DHX29: variants seen among roughly 807,000 people sequenced by gnomAD.
DHX29 encodes the protein ATP-dependent RNA helicase DHX29.
A neutral mutation model predicts 167.9 loss-of-function variants in DHX29; 79 were observed. That is an observed-to-expected ratio of 0.47 (90% CI 0.39 to 0.57). DHX29 has a LOEUF of 0.57. DHX29 is among the 20% of genes least tolerant of loss of function. The pLI is 0.00. For missense variants in DHX29, 1,347 were observed against 1,593.4 expected (o/e 0.85, Z 2.63); for synonymous variants, 530 against 546.0 (o/e 0.97, Z 0.41).
intron 5 of DHX29, among the ~76,000 whole-genome samples, chr5:55,294,432 C>T (rs1329252336): frequency 2.0e-5 from 3 of 152,144 alleles, no homozygotes; most frequent in Non-Finnish European, 2.9e-5. Context: ...CCCAGCACTT[C>T]GGGAGGCCAA....
intron 13 of DHX29, among the ~76,000 whole-genome samples, chr5:55,276,788 A>AT (rs571276840): frequency 1.4e-3 from 218 of 151,378 alleles, no homozygotes; most frequent in Non-Finnish European, 1.4e-3. Flanking sequence ...CACTCTTTTT[A>AT]TTTTTTTTTC....
chr5:55,270,539 C>A (rs184086503), intron 19 of DHX29, 39 bp downstream of exon 19: 1 of 1,613,634 alleles, frequency 6.2e-7, no homozygotes, highest in Middle Eastern at 1.7e-4. Context: ...TCACACAATA[C>A]TGGTTTATGT....
chr5:55,290,140 G>A (rs1476014443), intron 7 of DHX29, 78 bp downstream of exon 7: 2 of 1,484,710 alleles, frequency 1.3e-6, no homozygotes, highest in African/African-American at 2.8e-5. Flanking sequence ...ATATTAAAAG[G>A]AAGCATCATC....
At chr5:55,279,299 A>C (rs991779848) in intron 12 of DHX29, among the ~76,000 whole-genome samples, 11 of 152,178 alleles carry the variant, frequency 7.2e-5, no homozygotes, top group African/African-American at 2.4e-4. Flanking sequence ...GGGATCATTC[A>C]GAGACTGAGA....
Position 55,289,377 on chromosome 5 carries a change from G to A in DHX29, c.959C>T (p.Ser320Leu), listed in dbSNP as rs2111926722. 1 of 1,600,192 alleles carries A rather than the reference G, an allele frequency of 6.2e-7. No individual in the cohort carries two copies. Among genetic ancestry groups the A allele is most frequent in the Non-Finnish European group, 8.5e-7 (1 of 1,175,636 alleles). ...HPVFNPAMKISHQQNERKKPP... is the reference protein window; with the variant it reads ...HPVFNPAMKILHQQNERKKPP... The stretch of plus-strand genomic sequence containing the variant: ...CTTTTTCCTTTCATTTTGTTGATGT[G>A]AAATCTTCATGGCTGGGTTAAATAC... Residue 320 changes from serine to leucine, a missense_variant, in exon 8 of 27, where the codon TCA (serine) becomes TTA (leucine). By Grantham distance (145) the Ser-to-Leu change is moderately radical. This residue lies in a region of DHX29 where 405 missense variants were observed against 416.8 expected (regional missense o/e 0.97). Coordinates refer to ENST00000251636, the MANE Select transcript of DHX29 (RefSeq NM_019030.4).
rs776006123 is a variant in DHX29 at position 55,283,607 on chromosome 5, C to T, written c.1561G>A (p.Glu521Lys). 11 of 1,613,946 alleles carry T rather than the reference C, an allele frequency of 6.8e-6. No individual in the cohort carries two copies. In the African/African-American group the frequency reaches 9.3e-5, roughly 14 times the overall value. ...ENKRENSEDPEESWENLVSDE... is the reference protein window; with the variant it reads ...ENKRENSEDPKESWENLVSDE... The stretch of plus-strand genomic sequence containing the variant: ...GAAACTAAATTTTCCCAAGATTCCT[C>T]GGGATCTTCAGAGTTTTCTCTCTTA... Residue 521 changes from glutamate (E) to lysine (K), a missense_variant, in exon 11 of 27, where the codon GAG becomes AAG. Physicochemically the swap from Glu to Lys is moderately conservative, Grantham distance 56 (BLOSUM62 1). Transcript: ENST00000251636.
intron 18 of DHX29, among the ~76,000 whole-genome samples, chr5:55,270,977 G>C (rs1468636536): frequency 2.0e-5 from 3 of 152,078 alleles, no homozygotes; most frequent in Non-Finnish European, 2.9e-5. Flanking sequence ...TTTAAATTTA[G>C]TAGAATACCT....
chr5:55,300,575 A>T (rs1179473429), intron 1 of DHX29, among the ~76,000 whole-genome samples: 1 of 152,110 alleles, frequency 6.6e-6, no homozygotes, highest in African/African-American at 2.4e-5. Flanking sequence ...TGGGAAGCTG[A>T]GGCAGGAGAA....
chr5:55,287,764 C>T (rs1747813623), intron 8 of DHX29, among the ~76,000 whole-genome samples: 1 of 151,514 alleles, frequency 6.6e-6, no homozygotes, highest in African/African-American at 2.4e-5. Flanking sequence ...GCATGGCCAA[C>T]ATGGCAAAAC....
At chr5:55,281,752 T>C (rs181592774) in intron 11 of DHX29, among the ~76,000 whole-genome samples, 56 of 152,194 alleles carry the variant, frequency 3.7e-4, no homozygotes, top group African/African-American at 1.2e-3. Flanking sequence ...CTATAAAATA[T>C]ATTTCATATT....
chr5:55,263,684 G>C (rs1746416953), intron 23 of DHX29, among the ~76,000 whole-genome samples: 1 of 150,880 alleles, frequency 6.6e-6, no homozygotes, highest in Non-Finnish European at 1.5e-5. Flanking sequence ...CACAGAAGAA[G>C]GGGTGGAAAG....
chr5:55,293,354 T>C (rs970095881), intron 6 of DHX29, among the ~76,000 whole-genome samples: 2 of 152,218 alleles, frequency 1.3e-5, no homozygotes. Context: ...GGACCAGTTT[T>C]CCTAAGTGGC....
intron 14 of DHX29, among the ~76,000 whole-genome samples, chr5:55,275,629 T>C (rs1270918680): frequency 6.6e-6 from 1 of 152,320 alleles, no homozygotes; most frequent in East Asian, 1.9e-4. Flanking sequence ...CTAGTACTAC[T>C]GGCTAAAATG....
Position 55,300,437 on chromosome 5 carries a change from C to T in DHX29, c.188-1773G>A, listed in dbSNP as rs187258695. 3.9e-3 allele frequency among the ~76,000 whole-genome samples: 600 copies of T among 152,270 alleles called. 5 individuals carry two copies. Among genetic ancestry groups the T allele is most frequent in the African/African-American group, 0.013 (558 of 41,546 alleles). Reference sequence around the variant, plus strand: ...GCCTGTAATCCCAGCACTTGGGACGCGGAGGCGGGCAGATCACATGAGGTC... The same window carrying T: ...GCCTGTAATCCCAGCACTTGGGACGTGGAGGCGGGCAGATCACATGAGGTC... On this transcript the variant is annotated intron_variant, in intron 1 of 26. Transcript: ENST00000251636.
At chr5:55,290,887 T>C (rs12652173) in intron 6 of DHX29, among the ~76,000 whole-genome samples, 22,891 of 151,970 alleles carry the variant, frequency 0.15, 2,215 homozygotes, top group African/African-American at 0.27. Context: ...TGGGGGTGGA[T>C]GCCTATAATC....
In DHX29 at chr5:55,301,234, C is replaced by T. The variant is rs111592410; in HGVS notation, c.188-2570G>A. Reference sequence around the variant, plus strand: ...CATCTAGCTTCTGCATTCAATCTGCCGTAACATTACACATCATGTAGCCAA... The same window carrying T: ...CATCTAGCTTCTGCATTCAATCTGCTGTAACATTACACATCATGTAGCCAA... On this transcript the variant is annotated intron_variant, in intron 1 of 26. Transcript: ENST00000251636. Among the ~76,000 whole-genome samples, 499 of 152,158 alleles carry T rather than the reference C, an allele frequency of 3.3e-3. 4 individuals carry two copies. Among genetic ancestry groups the T allele is most frequent in the Middle Eastern group, 0.024 (7 of 294 alleles).
chr5:55,273,718 T>C lies in DHX29; in HGVS notation c.2691-341A>G, dbSNP rs953984924. Among the ~76,000 whole-genome samples the C allele has an allele frequency of 3.9e-5, 6 of 152,162 alleles. No individual in the cohort carries two copies. In the East Asian group the frequency reaches 5.8e-4, roughly 15 times the overall value. ...GATAAACTGCAGCTTGGTTGGAGTT[T>C]TGCACGATTTAGCGGGTTGGCAGGA... On this transcript the variant is annotated intron_variant, in intron 16 of 26. Transcript: ENST00000251636.
At position 55,281,358 on chromosome 5, in the gene DHX29, T is replaced by C; in HGVS notation, c.2109+14A>G. 1.3e-6 allele frequency: 2 copies of C among 1,547,412 alleles called. No homozygotes were observed. The highest frequency in any genetic ancestry group is 1.7e-6 in the Non-Finnish European group (2 of 1,149,636). On this transcript the variant is annotated intron_variant, in intron 12 of 26. Transcript: ENST00000251636. ...TATTTCAAATTTTTGAATACAACTATAGAATCCACTCACCTCATCTACAAT... is the reference window on the plus strand; with the variant it reads ...TATTTCAAATTTTTGAATACAACTACAGAATCCACTCACCTCATCTACAAT...
At chr5:55,284,938 G>A (rs1236611229) in intron 10 of DHX29, among the ~76,000 whole-genome samples, 1 of 152,152 alleles carries the variant, frequency 6.6e-6, no homozygotes, top group Non-Finnish European at 1.5e-5. Context: ...GGAGGCTGAG[G>A]CAGGAGGATC....
Sources: allele counts gnomAD v4.1 joint callset (sites outside exome capture counted in the v4.1 genomes callset), GRCh38; gene constraint gnomAD v4.1.1; regional missense constraint gnomAD v4.1.1; transcripts MANE v1.5; gene names NCBI Gene and HGNC (gene_info 2026-07-23, HGNC 2026-07-21).